The following WNT5A variants were observed in gnomAD, a reference collection of about 807,000 sequenced individuals.
WNT5A encodes protein Wnt-5a.
In WNT5A, 9 loss-of-function variants were observed where a neutral mutation model predicts 42.1. The ratio of observed to expected loss-of-function variants is 0.21; its 90% CI spans 0.13 to 0.37. The LOEUF (loss-of-function observed/expected upper bound fraction) is 0.37, where lower values mean the gene tolerates loss of function less well. Among genes scored for constraint, WNT5A ranks in the 10% least tolerant of loss-of-function variants. WNT5A has a pLI of 1.00. For missense variants in WNT5A, 426 were observed against 534.0 expected (o/e 0.80, Z 1.99); for synonymous variants, 210 against 210.0 (o/e 1.00, Z 0.00).
At chr3:55,491,370 G>C (rs1033309387), upstream of WNT5A, among the ~76,000 whole-genome samples, 1 of 152,206 alleles carries the variant, frequency 6.6e-6, no homozygotes, top group Non-Finnish European at 1.5e-5. Flanking sequence ...CTTGCAAACC[G>C]TGTGTGCATT....
the WNT5A span, among the ~76,000 whole-genome samples, chr3:55,504,011 C>T: frequency 9.9e-5 from 15 of 152,086 alleles, no homozygotes; most frequent in Non-Finnish European, 1.5e-5. Context: ...GTGGCTCACA[C>T]CTGTAATTTC....
chr3:55,488,293 A>G (rs1195196673), upstream of WNT5A: 1 of 152,102 alleles, frequency 6.6e-6, no homozygotes, highest in Non-Finnish European at 1.5e-5. Flanking sequence ...CCCCGCAAAC[A>G]GACTGACCGA....
chr3:55,480,696 C>G (rs773404238), intron 2 of WNT5A, 89 bp downstream of exon 2: 33 of 1,346,410 alleles, frequency 2.5e-5, no homozygotes, highest in Non-Finnish European at 2.9e-5. Context: ...CCCACACTCA[C>G]TATCCAGCAT....
Position 55,470,456 on chromosome 3 carries a change from C to T in WNT5A, c.779G>A (p.Arg260His), listed in dbSNP as rs1485651707. 1.9e-6 allele frequency: 3 copies of T among 1,610,090 alleles called. No homozygotes were observed. The highest frequency in any genetic ancestry group is 2.5e-6 in the Non-Finnish European group (3 of 1,178,076). ...KTCWLQLADF[R>H]KVGDALKEKY... Reference sequence around the variant, plus strand: ...CTCCTTCAGGGCATCACCCACCTTGCGGAAGTCTGCCAGCTGCAGCCAGCA... The same window carrying T: ...CTCCTTCAGGGCATCACCCACCTTGTGGAAGTCTGCCAGCTGCAGCCAGCA... Residue 260 changes from arginine (R) to histidine (H), a missense_variant, in exon 5 of 5, where the codon CGC (arginine) becomes CAC (histidine). Arg to His is a conservative substitution (Grantham distance 29, BLOSUM62 0). Coordinates refer to ENST00000264634, the MANE Select transcript of WNT5A (RefSeq NM_003392.7).
At position 55,468,820 on chromosome 3, in the gene WNT5A, C is replaced by G. The variant is rs1457086221; in HGVS notation, c.*1272G>C. 1 of 152,528 alleles carries G rather than the reference C, an allele frequency of 6.6e-6. No individual in the cohort carries two copies. Among genetic ancestry groups the G allele is most frequent in the Admixed American group, 6.5e-5 (1 of 15,276 alleles). 9.4% of individuals were successfully genotyped at this position (152,528 alleles called of 1,614,324 possible). A position where few individuals can be genotyped will look rare whatever the true frequency, so the allele number is the denominator to read the frequency against. Reference sequence around the variant, plus strand: ...GGATAATCTAAACACAGGATCATAACAGTGATACGCTGCAACACCTCTGTG... The same window carrying G: ...GGATAATCTAAACACAGGATCATAAGAGTGATACGCTGCAACACCTCTGTG... On this transcript the variant is annotated 3_prime_UTR_variant, in exon 5 of 5. Transcript: ENST00000264634.
chr3:55,474,980 C>T (rs2051328511), intron 3 of WNT5A, among the ~76,000 whole-genome samples: 1 of 151,596 alleles, frequency 6.6e-6, no homozygotes, highest in Non-Finnish European at 1.5e-5. Flanking sequence ...TCGGGCTGCC[C>T]CATCCTTAAC....
chr3:55,500,015 C>A, the WNT5A span, among the ~76,000 whole-genome samples: 1 of 151,150 alleles, frequency 6.6e-6, no homozygotes, highest in Non-Finnish European at 1.5e-5. Context: ...ATTAAATTAA[C>A]TAGATTTTTC....
chr3:55,471,822 C>T (rs1244912441), intron 4 of WNT5A, among the ~76,000 whole-genome samples: 3 of 152,214 alleles, frequency 2.0e-5, no homozygotes, highest in Non-Finnish European at 4.4e-5. Context: ...CTGGAGAAGA[C>T]CTGTCAGGAA....
the WNT5A span, among the ~76,000 whole-genome samples, chr3:55,499,533 T>A: frequency 6.6e-6 from 1 of 152,204 alleles, no homozygotes; most frequent in East Asian, 1.9e-4. Flanking sequence ...ACTCTTGATT[T>A]CCATGTTTTT....
At chr3:55,495,243 G>A (rs2051703921), upstream of WNT5A, among the ~76,000 whole-genome samples, 1 of 152,170 alleles carries the variant, frequency 6.6e-6, no homozygotes, top group Non-Finnish European at 1.5e-5. Context: ...ACAATACCTT[G>A]TTATTAACTA....
In WNT5A at chr3:55,477,159, C is replaced by G. The variant is rs183243767; in HGVS notation, c.391+2155G>C. On this transcript the variant is annotated intron_variant, in intron 3 of 4. Transcript: ENST00000264634. The stretch of plus-strand genomic sequence containing the variant: ...TTGGGGTGGGCACACACACACACAC[C>G]TTTTGGCATCAAAGGTATTTTAAAT... 3.0e-3 allele frequency among the ~76,000 whole-genome samples: 458 copies of G among 152,260 alleles called. 1 individual carries two copies. Among genetic ancestry groups the G allele is most frequent in the Non-Finnish European group, 3.2e-3 (221 of 68,010 alleles).
At chr3:55,486,179 G>C (rs2107001332) in intron 1 of WNT5A, among the ~76,000 whole-genome samples, 1 of 152,268 alleles carries the variant, frequency 6.6e-6, no homozygotes, top group Non-Finnish European at 1.5e-5. Context: ...GGAGGCCCAA[G>C]TGTTTTCTAA....
chr3:55,478,552 GCAAA>G (rs1335457421), intron 3 of WNT5A, among the ~76,000 whole-genome samples: 4 of 152,094 alleles, frequency 2.6e-5, no homozygotes, highest in Non-Finnish European at 4.4e-5. Flanking sequence ...AAAAGCAGAG[GCAAA>G]CAAACAGATT....
In WNT5A at chr3:55,470,501, C is replaced by T; in HGVS notation, c.734G>A (p.Gly245Asp). The change falls in exon 5 of 5, where the codon GGC becomes GAC. Residue 245 changes from glycine (G) to aspartate (D), a missense_variant. Gly to Asp is a moderately conservative substitution (Grantham distance 94, BLOSUM62 -1). Around this residue, in one of 3 missense-constraint regions of WNT5A, gnomAD observed 358 missense variants for 468.1 expected, o/e 0.76. Transcript: ENST00000264634. ...DVACKCHGVS[G>D]SCSLKTCWLQ... ...CCAGCATGTCTTCAGGCTACATGAGCCGGACACCCCATGGCACTTGCAGGC... is the reference window on the plus strand; with the variant it reads ...CCAGCATGTCTTCAGGCTACATGAGTCGGACACCCCATGGCACTTGCAGGC... 6.3e-7 allele frequency: 1 copy of T among 1,598,290 alleles called. No individual in the cohort carries two copies. The highest frequency in any genetic ancestry group is 8.5e-7 in the Non-Finnish European group (1 of 1,172,084).
the WNT5A span, among the ~76,000 whole-genome samples, chr3:55,499,976 C>CCCA: frequency 8.6e-4 from 53 of 61,724 alleles, 1 homozygote; most frequent in African/African-American, 7.5e-3. Context: ...CTCCATCCCC[C>CCCA]CTCCAAAAAA....
At chr3:55,472,255 C>G (rs1471010808) in intron 4 of WNT5A, among the ~76,000 whole-genome samples, 1 of 152,218 alleles carries the variant, frequency 6.6e-6, no homozygotes, top group Non-Finnish European at 1.5e-5. Flanking sequence ...CTTCCCCAAT[C>G]CTCTCTTGCC....
chr3:55,481,970 G>A (rs906465842), intron 1 of WNT5A, among the ~76,000 whole-genome samples: 4 of 152,230 alleles, frequency 2.6e-5, no homozygotes, highest in Non-Finnish European at 5.9e-5. Flanking sequence ...AGTTTCCCTT[G>A]GTCCTGATCT....
At chr3:55,472,494 T>A (rs917411591) in intron 4 of WNT5A, among the ~76,000 whole-genome samples, 2 of 151,758 alleles carry the variant, frequency 1.3e-5, no homozygotes, top group African/African-American at 4.8e-5. Flanking sequence ...CTGAAGAGGG[T>A]GATAGCAAGG....
chr3:55,485,232 G>C (rs1281949002), intron 1 of WNT5A, among the ~76,000 whole-genome samples: 1 of 141,200 alleles, frequency 7.1e-6, no homozygotes, highest in African/African-American at 2.5e-5. Context: ...AGGAACCGAG[G>C]CTCGCAGGAG....
Sources: allele counts gnomAD v4.1 joint callset (sites outside exome capture counted in the v4.1 genomes callset), GRCh38; gene constraint gnomAD v4.1.1; regional missense constraint gnomAD v4.1.1; transcripts MANE v1.5; gene names NCBI Gene and HGNC (gene_info 2026-07-23, HGNC 2026-07-21).